Variants in SLC30A5 observed in about 807,000 individuals in gnomAD.
The protein encoded by SLC30A5 is solute carrier family 30 member 5.
Under a neutral mutation model 79.6 loss-of-function variants are expected in SLC30A5, and 33 were observed. The ratio of observed to expected loss-of-function variants is 0.41; its 90% CI spans 0.31 to 0.55. The LOEUF (loss-of-function observed/expected upper bound fraction) is 0.55, where lower values mean the gene tolerates loss of function less well. SLC30A5 is among the 20% of genes least tolerant of loss of function. The pLI is 0.20. For missense variants in SLC30A5, 788 were observed against 928.1 expected, an observed-to-expected ratio of 0.85 and a Z score of 1.96; for synonymous variants, 299 against 319.7, an observed-to-expected ratio of 0.94 and a Z score of 0.69.
At chr5:69,096,884 TG>T (rs1375328753) in intron 1 of SLC30A5, among the ~76,000 whole-genome samples, 1 of 151,504 alleles carries the variant, frequency 6.6e-6, no homozygotes, top group Non-Finnish European at 1.5e-5. Context: ...CACTTGAGCC[TG>T]GGAGGTCAAG....
intron 14 of SLC30A5, among the ~76,000 whole-genome samples, chr5:69,125,965 CT>C (rs1327799758): frequency 6.6e-6 from 1 of 150,902 alleles, no homozygotes; most frequent in Non-Finnish European, 1.5e-5. Context: ...ATGAGAATCA[CT>C]TCAACCCAGG....
intron 14 of SLC30A5, among the ~76,000 whole-genome samples, chr5:69,127,541 G>A (rs960964161): frequency 6.6e-6 from 1 of 152,040 alleles, no homozygotes; most frequent in Non-Finnish European, 1.5e-5. Context: ...CTACTTGGGA[G>A]GCTGAGGCAG....
At chr5:69,103,022 A>G in intron 2 of SLC30A5, 40 bp from the exon 3 acceptor site, 5 of 1,009,942 alleles carry the variant, frequency 5.0e-6, no homozygotes, top group Non-Finnish European at 4.5e-6. Context: ...TGTGTTTAAT[A>G]TGGATTAATA....
chr5:69,127,741 C>T (rs1426479648), intron 14 of SLC30A5, among the ~76,000 whole-genome samples: 1 of 152,050 alleles, frequency 6.6e-6, no homozygotes, highest in Non-Finnish European at 1.5e-5. Context: ...GATTTTTTTT[C>T]CCCCACACAT....
At chr5:69,118,337 G>GTGTATATATATATATATATATATATAT (rs1206213964) in intron 11 of SLC30A5, 162 bp from the exon 12 acceptor site, 1 of 244,864 alleles carries the variant, frequency 4.1e-6, no homozygotes, top group Admixed American at 6.9e-5. Flanking sequence ...ATATATATAT[G>GTGTATATATATATATATATATATATAT]AAGGACCTTC....
chr5:69,116,668 T>C lies in SLC30A5; in HGVS notation c.1281+66T>C. On this transcript the variant is annotated intron_variant, in intron 10 of 15. Transcript: ENST00000396591. This position sits in a 1 kb window ranked among gnomAD's most constrained non-coding sequence, Gnocchi z 4.0. ...AATATTTTAATTTTGACAGTTCTGG[T>C]ATAAGTTTAGTACTTCCCAAATTTC... The C allele has an allele frequency of 8.5e-7, 1 of 1,173,408 alleles. No individual in the cohort carries two copies. Among genetic ancestry groups the C allele is most frequent in the Non-Finnish European group, 1.1e-6 (1 of 870,358 alleles). 72.7% of individuals were successfully genotyped at this position (1,173,408 alleles called of 1,614,324 possible).
intron 14 of SLC30A5, 53 bp from the exon 15 acceptor site, chr5:69,127,951 T>A: frequency 1.3e-6 from 2 of 1,483,972 alleles, no homozygotes; most frequent in South Asian, 2.3e-5. Flanking sequence ...ATCTCCATTG[T>A]GTTGTGTAAA....
Position 69,117,344 on chromosome 5 carries a change from C to T in SLC30A5, c.1387C>T (p.Leu463Phe). ...TGACTGCTCTGCTTTAGTCATGGGA[C>T]TTTTTGCTGCCCTGATGAGTAGGTG... ...LFDCSALVMG[L>F]FAALMSRWKA... Residue 463 changes from leucine (L) to phenylalanine (F), a missense_variant, in exon 11 of 16, where the codon CTT (leucine) becomes TTT (phenylalanine). Coordinates refer to ENST00000396591, the MANE Select transcript of SLC30A5 (RefSeq NM_022902.5). The T allele has an allele frequency of 6.2e-7, 1 of 1,613,796 alleles. No homozygotes were observed. Among genetic ancestry groups the T allele is most frequent in the Non-Finnish European group, 8.5e-7 (1 of 1,179,954 alleles).
At position 69,115,135 on chromosome 5, in the gene SLC30A5, GAAAAAAAAAAAA is replaced by G. The variant is rs60614154; in HGVS notation, c.613-83_613-72del. On this transcript the variant is annotated intron_variant, in intron 7 of 15. Coordinates refer to ENST00000396591, the MANE Select transcript of SLC30A5 (RefSeq NM_022902.5). ...GGCAGAGCAAGACCCTGTCTCTGGG[GAAAAAAAAAAAA>G]AAAAAAAAAAAAAAAAAAGATCATG... is the stretch of plus-strand genomic sequence containing the variant. The G allele has an allele frequency of 2.4e-4, 131 of 539,556 alleles. 1 individual carries two copies. The highest frequency in any genetic ancestry group is 4.0e-4 in the East Asian group (10 of 24,864). The allele number at this position is 539,556 out of a possible 1,614,324, so 33.4% of individuals were successfully genotyped here.
chr5:69,123,378 A>C lies in SLC30A5; in HGVS notation c.1951A>C (p.Arg651=). 6.2e-7 allele frequency: 1 copy of C among 1,614,046 alleles called. No individual in the cohort carries two copies. The highest frequency in any genetic ancestry group is 1.1e-5 in the South Asian group (1 of 91,080). Residue 651 remains arginine, a synonymous_variant, in exon 14 of 16, where the codon AGA becomes CGA. Coordinates refer to ENST00000396591, the MANE Select transcript of SLC30A5 (RefSeq NM_022902.5). ...AGATGCCTGCCAGGTTCTACTCCTGAGATTGCCACCAGAATATGAAAAAGA... is the reference window on the plus strand; with the variant it reads ...AGATGCCTGCCAGGTTCTACTCCTGCGATTGCCACCAGAATATGAAAAAGA... ...IKDACQVLLL[R]LPPEYEKELH...
At position 69,123,345 on chromosome 5, in the gene SLC30A5, C is replaced by T. The variant is rs767591425; in HGVS notation, c.1918C>T (p.Leu640=). 4 of 1,614,014 alleles carry T rather than the reference C, an allele frequency of 2.5e-6. No individual in the cohort carries two copies. The highest frequency in any genetic ancestry group is 3.3e-5 in the Admixed American group (2 of 59,996). The change falls in exon 14 of 16, where the codon CTG becomes TTG. Residue 640 remains leucine, a synonymous_variant. Coordinates refer to ENST00000396591, the MANE Select transcript of SLC30A5 (RefSeq NM_022902.5). ...ATTAATATTTCTCAGTGTTGTTCCA[C>T]TGATTAAAGATGCCTGCCAGGTTCT... is the stretch of plus-strand genomic sequence containing the variant. ...AILIFLSVVP[L]IKDACQVLLL...
At chr5:69,109,762 G>A (rs988164962) in intron 5 of SLC30A5, among the ~76,000 whole-genome samples, 2 of 152,118 alleles carry the variant, frequency 1.3e-5, no homozygotes, top group Non-Finnish European at 2.9e-5. Context: ...CAAACTGTTA[G>A]AACTATATAG....
chr5:69,116,213 G>A lies in SLC30A5; in HGVS notation c.1071G>A (p.Leu357=), dbSNP rs746896885. Residue 357 remains leucine, a splice_region_variant and synonymous_variant, in exon 9 of 16, where the codon TTG becomes TTA. Transcript: ENST00000396591. The surrounding 1 kb of genome is among the most constrained non-coding windows in gnomAD (Gnocchi z 4.0). ...TAGTGAGTGCTATATTCTTCATTTTGTGTAAGCATTCCCCCCTTTTTTTTA... is the reference window on the plus strand; with the variant it reads ...TAGTGAGTGCTATATTCTTCATTTTATGTAAGCATTCCCCCCTTTTTTTTA... ...GVVVSAIFFI[L]SANILSSPSK... is the part of the protein sequence containing the mutation. 11 of 1,539,824 alleles carry A rather than the reference G, an allele frequency of 7.1e-6. No individual in the cohort carries two copies. The East Asian group carries it at 1.9e-4, about 26-fold the overall frequency.
chr5:69,097,365 T>G (rs1340417528), intron 1 of SLC30A5, among the ~76,000 whole-genome samples: 3 of 152,230 alleles, frequency 2.0e-5, no homozygotes, highest in African/African-American at 7.2e-5. Flanking sequence ...TCCGCCCGCC[T>G]GGGCCTCCCA....
intron 14 of SLC30A5, among the ~76,000 whole-genome samples, chr5:69,125,942 G>C (rs1441869919): frequency 6.7e-6 from 1 of 149,178 alleles, no homozygotes. Flanking sequence ...CCAACTACCT[G>C]AGTGGCTGAA....
At chr5:69,129,369 A>G in intron 15 of SLC30A5, 78 bp from the exon 16 acceptor site, 2 of 1,044,266 alleles carry the variant, frequency 1.9e-6, no homozygotes, top group Non-Finnish European at 2.8e-6. Flanking sequence ...ACCCGTATCA[A>G]CTATGTACAG....
At chr5:69,110,005 C>T (rs184604498) in intron 5 of SLC30A5, among the ~76,000 whole-genome samples, 5 of 152,292 alleles carry the variant, frequency 3.3e-5, no homozygotes, top group Admixed American at 2.6e-4. Flanking sequence ...TGAATCAACA[C>T]GCTTTGTGGG....
chr5:69,130,566 A>C lies in SLC30A5; in HGVS notation c.*949A>C, dbSNP rs890982383. On this transcript the variant is annotated 3_prime_UTR_variant, in exon 16 of 16. Transcript: ENST00000396591. ...AATTTCTGGAACATATAGATATATA[A>C]GAAATATCAAAGAATAGGTAGTTAT... is the stretch of plus-strand genomic sequence containing the variant. 2.0e-5 allele frequency: 3 copies of C among 152,200 alleles called. No individual in the cohort carries two copies. In the South Asian group the frequency reaches 6.2e-4, roughly 31 times the overall value. The allele number at this position is 152,200 out of a possible 1,614,324, so 9.4% of individuals were successfully genotyped here.
In SLC30A5 at chr5:69,115,374, C is replaced by T; in HGVS notation, c.750C>T (p.Cys250=). 6.2e-7 allele frequency: 1 copy of T among 1,613,702 alleles called. No individual in the cohort carries two copies. Among genetic ancestry groups the T allele is most frequent in the Non-Finnish European group, 8.5e-7 (1 of 1,179,796 alleles). ...LSHLVSVLLL[C]PWVIVLSVTT... ...ATCTTGTTTCTGTGCTTCTCTTGTG[C>T]CCATGGGTCATTGTTCTTTCTGTGA... The change falls in exon 8 of 16, where the codon TGC becomes TGT. Residue 250 remains cysteine, a synonymous_variant. Transcript: ENST00000396591.
Sources: gnomAD v4.1 joint callset for allele counts (sites outside exome capture counted in the v4.1 genomes callset) on GRCh38, gnomAD v4.1.1 for gene constraint, Gnocchi (gnomAD v3.1) non-coding constraint, MANE v1.5 for transcripts, NCBI Gene and HGNC (gene_info 2026-07-23, HGNC 2026-07-21) for gene names.